Variants in ACAN observed in about 807,000 individuals in gnomAD.
ACAN encodes the protein aggrecan core protein.
In ACAN, 47 loss-of-function variants were observed where a neutral mutation model predicts 169.1. That is an observed-to-expected ratio of 0.28 (90% CI 0.22 to 0.35). ACAN has a LOEUF of 0.35. Ranked by LOEUF, ACAN falls within the 10% of genes least tolerant of loss-of-function variation. ACAN has a pLI of 1.00. For synonymous variants in ACAN, 1,115 were observed against 1,112.2 expected (o/e 1.00, Z -0.05); for missense variants, 2,716 against 2,759.9 (o/e 0.98, Z 0.36).
At position 88,839,493 on chromosome 15, in the gene ACAN, C is replaced by A. The variant is rs1896594133; in HGVS notation, c.454+447C>A. Among the ~76,000 whole-genome samples the A allele has an allele frequency of 6.6e-6, 1 of 152,246 alleles. No individual in the cohort carries two copies. The highest frequency in any genetic ancestry group is 2.1e-4 in the South Asian group (1 of 4,828). ...GGGCTGAAGACTCCCTGGTCTCTTT[C>A]TCTCCATGGCCCAAGGAGAACAGTC... is the stretch of plus-strand genomic sequence containing the variant. On this transcript the variant is annotated intron_variant, in intron 3 of 18. Transcript: ENST00000560601. The surrounding 1 kb of genome is among the most constrained non-coding windows in gnomAD (Gnocchi z 4.5).
chr15:88,805,805 A>G (rs1895664888), intron 1 of ACAN, among the ~76,000 whole-genome samples: 1 of 152,178 alleles, frequency 6.6e-6, no homozygotes, highest in Non-Finnish European at 1.5e-5. Context: ...AAAAGGGAAT[A>G]TTTTGTTTAA....
Position 88,873,420 on chromosome 15 carries a change from C to T in ACAN, c.7447+395C>T, listed in dbSNP as rs1238877170. 2.0e-5 allele frequency among the ~76,000 whole-genome samples: 3 copies of T among 152,184 alleles called. No homozygotes were observed. The highest frequency in any genetic ancestry group is 2.9e-5 in the Non-Finnish European group (2 of 68,032). ...TCACAGAGTCATAGTTGTCAGGCCT[C>T]GATCCTTTGGCTTTCAGTCTGTGGA... On this transcript the variant is annotated intron_variant, in intron 17 of 18. Transcript: ENST00000560601. This position sits in a 1 kb window ranked among gnomAD's most constrained non-coding sequence, Gnocchi z 7.5.
Position 88,868,246 on chromosome 15 carries a change from T to G in ACAN, c.6977T>G (p.Leu2326Arg). The G allele has an allele frequency of 1.4e-6, 1 of 702,800 alleles. No homozygotes were observed. The highest frequency in any genetic ancestry group is 1.5e-5 in the South Asian group (1 of 67,592). 43.5% of individuals were successfully genotyped at this position (702,800 alleles called of 1,614,324 possible). A position where few individuals can be genotyped will look rare whatever the true frequency, so the allele number is the denominator to read the frequency against. ...DIDECLSSPCLNGATCVDAID... is the reference protein window; with the variant it reads ...DIDECLSSPCRNGATCVDAID... Reference sequence around the variant, plus strand: ...GATGAGTGCCTCTCAAGCCCTTGTCTGAATGGAGCCACCTGCGTGGATGCC... The same window carrying G: ...GATGAGTGCCTCTCAAGCCCTTGTCGGAATGGAGCCACCTGCGTGGATGCC... Residue 2326 changes from leucine to arginine, a missense_variant, in exon 14 of 19, where the codon CTG becomes CGG. Coordinates refer to ENST00000560601, the MANE Select transcript of ACAN (RefSeq NM_001369268.1). This position sits in a 1 kb window ranked among gnomAD's most constrained non-coding sequence, Gnocchi z 5.2.
intron 6 of ACAN, among the ~76,000 whole-genome samples, chr15:88,844,015 G>A (rs998148513): frequency 7.9e-5 from 12 of 152,166 alleles, no homozygotes; most frequent in African/African-American, 2.4e-4. Flanking sequence ...TGGGGTGCCC[G>A]CCTGCAAAGA....
Position 88,857,140 on chromosome 15 carries a change from G to A in ACAN, c.4555G>A (p.Ala1519Thr), listed in dbSNP as rs1261557278. The A allele has an allele frequency of 6.2e-7, 1 of 1,607,110 alleles. No individual in the cohort carries two copies. The highest frequency in any genetic ancestry group is 2.2e-5 in the East Asian group (1 of 44,628). ...LPSGEGLETS[A>T]SGVEDLSRLP... ...TTCAGGAGAAGGTCTAGAGACCTCTGCTTCTGGAGTAGAGGACCTCAGCAG... is the reference window on the plus strand; with the variant it reads ...TTCAGGAGAAGGTCTAGAGACCTCTACTTCTGGAGTAGAGGACCTCAGCAG... The change falls in exon 12 of 19, where the codon GCT becomes ACT. Residue 1519 changes from alanine to threonine, a missense_variant. Around this residue, in one of 3 missense-constraint regions of ACAN, gnomAD observed 1,389 missense variants for 1,363.7 expected, o/e 1.02. Transcript: ENST00000560601.
chr15:88,836,079 C>G (rs1896495118), intron 1 of ACAN, 121 bp from the exon 2 acceptor site: 3 of 679,594 alleles, frequency 4.4e-6, no homozygotes, highest in Admixed American at 5.0e-5. Context: ...GCCTCCTTCT[C>G]TGGAGATGAT....
rs1363057099 is a variant in ACAN at position 88,841,841 on chromosome 15, T to C, written c.731T>C (p.Val244Ala). 3 of 1,612,494 alleles carry C rather than the reference T, an allele frequency of 1.9e-6. No homozygotes were observed. The highest frequency in any genetic ancestry group is 1.7e-6 in the Non-Finnish European group (2 of 1,179,532). ...CGAGACACCAACGAGACCTATGATG[T>C]GTACTGCTTCGCCGAGGAGATGGAG... The part of the protein sequence containing the change: ...GIRDTNETYD[V>A]YCFAEEMEGE... The change falls in exon 5 of 19, where the codon GTG becomes GCG. Residue 244 changes from valine (V) to alanine (A), a missense_variant. By Grantham distance (64) the Val-to-Ala change is moderately conservative (BLOSUM62 0). Around this residue, in one of 3 missense-constraint regions of ACAN, gnomAD observed 1,283 missense variants for 1,281.5 expected, o/e 1.00. Coordinates refer to ENST00000560601, the MANE Select transcript of ACAN (RefSeq NM_001369268.1).
intron 1 of ACAN, among the ~76,000 whole-genome samples, chr15:88,829,089 C>G (rs947952886): frequency 6.7e-6 from 1 of 149,240 alleles, no homozygotes; most frequent in African/African-American, 2.5e-5. Flanking sequence ...CACACTTGCC[C>G]GGAATGGAGA....
intron 1 of ACAN, among the ~76,000 whole-genome samples, chr15:88,829,533 C>T (rs1277883734): frequency 6.6e-6 from 1 of 152,130 alleles, no homozygotes; most frequent in Non-Finnish European, 1.5e-5. Context: ...GAAATCCCAG[C>T]CTCGAGTGCA....
intron 4 of ACAN, among the ~76,000 whole-genome samples, chr15:88,840,402 A>C (rs1896622821): frequency 6.6e-6 from 1 of 152,192 alleles, no homozygotes; most frequent in African/African-American, 2.4e-5. Flanking sequence ...AAATGGGATG[A>C]GGGACTGCTA....
chr15:88,859,150 C>A lies in ACAN; in HGVS notation c.6565C>A (p.Pro2189Thr). The A allele has an allele frequency of 6.2e-7, 1 of 1,613,846 alleles. No homozygotes were observed. The highest frequency in any genetic ancestry group is 8.5e-7 in the Non-Finnish European group (1 of 1,179,902). ...GGCACCAGGCTTGCCTTCAGCCACT[C>A]CCACGGCTTCTGGAGACAGGACTGA... is the stretch of plus-strand genomic sequence containing the variant. The part of the protein sequence containing the change: ...TEAPGLPSAT[P>T]TASGDRTEIS... Residue 2189 changes from proline to threonine, a missense_variant, in exon 12 of 19, where the codon CCC becomes ACC. Coordinates refer to ENST00000560601, the MANE Select transcript of ACAN (RefSeq NM_001369268.1).
At chr15:88,826,638 G>A (rs1362972944) in intron 1 of ACAN, among the ~76,000 whole-genome samples, 2 of 152,072 alleles carry the variant, frequency 1.3e-5, no homozygotes, top group Non-Finnish European at 2.9e-5. Flanking sequence ...GCATATTCCA[G>A]GCACTCTGCC....
chr15:88,870,573 C>T lies in ACAN; in HGVS notation c.7061-809C>T, dbSNP rs989331971. Among the ~76,000 whole-genome samples, 1 of 152,186 alleles carries T rather than the reference C, an allele frequency of 6.6e-6. No homozygotes were observed. Among genetic ancestry groups the T allele is most frequent in the African/African-American group, 2.4e-5 (1 of 41,450 alleles). Reference sequence around the variant, plus strand: ...AGAGGAGACACTAACAATGAGCTCTCTCAAAGCTGAGTGAGCCAGCTCAGC... The same window carrying T: ...AGAGGAGACACTAACAATGAGCTCTTTCAAAGCTGAGTGAGCCAGCTCAGC... On this transcript the variant is annotated intron_variant, in intron 14 of 18. Coordinates refer to ENST00000560601, the MANE Select transcript of ACAN (RefSeq NM_001369268.1). This position sits in a 1 kb window ranked among gnomAD's most constrained non-coding sequence, Gnocchi z 6.3.
chr15:88,872,980 G>A lies in ACAN; in HGVS notation c.7402G>A (p.Val2468Ile). The A allele has an allele frequency of 6.2e-7, 1 of 1,613,774 alleles. No individual in the cohort carries two copies. The highest frequency in any genetic ancestry group is 8.5e-7 in the Non-Finnish European group (1 of 1,179,862). The change falls in exon 17 of 19, where the codon GTT (valine) becomes ATT (isoleucine). Residue 2468 changes from valine to isoleucine, a missense_variant. Physicochemically the swap from Val to Ile is conservative, Grantham distance 29. This residue lies in a region of ACAN where 1,389 missense variants were observed against 1,363.7 expected (regional missense o/e 1.02). Coordinates refer to ENST00000560601, the MANE Select transcript of ACAN (RefSeq NM_001369268.1). This position sits in a 1 kb window ranked among gnomAD's most constrained non-coding sequence, Gnocchi z 5.4. ...GCACGAGAAGGGCGAGTGGAATGAT[G>A]TTCCCTGCAATTACCACCTCCCCTT... ...IWHEKGEWND[V>I]PCNYHLPFTC...
At position 88,847,417 on chromosome 15, in the gene ACAN, G is replaced by T; in HGVS notation, c.1604G>T (p.Arg535Ile). Residue 535 changes from arginine to isoleucine, a missense_variant and splice_region_variant, in exon 8 of 19, where the codon AGA becomes ATA. By Grantham distance (97) the Arg-to-Ile change is moderately conservative (BLOSUM62 -3). Transcript: ENST00000560601. ...GGCTGGCTGCGGGACCAGACCGTCA[G>T]GTGAAGCCATGCTCCTCGCCCAGCC... ...DAGWLRDQTVRYPIVSPRTPC... is the reference protein window; with the variant it reads ...DAGWLRDQTVIYPIVSPRTPC... 1 of 1,569,912 alleles carries T rather than the reference G, an allele frequency of 6.4e-7. No individual in the cohort carries two copies. The highest frequency in any genetic ancestry group is 8.7e-7 in the Non-Finnish European group (1 of 1,153,656).
rs575457851 is a variant in ACAN, at chr15:88,857,488, G to A, written c.4903G>A (p.Gly1635Arg). The change falls in exon 12 of 19, where the codon GGG becomes AGG. Residue 1635 changes from glycine (G) to arginine (R), a missense_variant. Gly to Arg is a moderately radical substitution (Grantham distance 125). Coordinates refer to ENST00000560601, the MANE Select transcript of ACAN (RefSeq NM_001369268.1). ...LPSGFSGEYS[G>R]VDLGSGPPSG... ...CTCTGGATTTAGTGGTGAGTATTCT[G>A]GGGTGGACCTTGGAAGTGGCCCACC... 9 of 1,613,930 alleles carry A rather than the reference G, an allele frequency of 5.6e-6. No individual in the cohort carries two copies. In the East Asian group the frequency reaches 2.0e-4, roughly 36 times the overall value.
At chr15:88,822,831 C>T (rs906982441) in intron 1 of ACAN, among the ~76,000 whole-genome samples, 1 of 152,158 alleles carries the variant, frequency 6.6e-6, no homozygotes, top group South Asian at 2.1e-4. Context: ...TACAGATAAC[C>T]CATCTCCTTT....
chr15:88,853,568 G>A (rs578167170), intron 11 of ACAN, among the ~76,000 whole-genome samples: 48 of 152,200 alleles, frequency 3.2e-4, no homozygotes, highest in Non-Finnish European at 6.0e-4. Context: ...AACCCAGGAC[G>A]TGGAGGTTGC....
chr15:88,812,562 C>G (rs1438898126), intron 1 of ACAN, among the ~76,000 whole-genome samples: 1 of 152,202 alleles, frequency 6.6e-6, no homozygotes, highest in African/African-American at 2.4e-5. Flanking sequence ...CCTCTCACTT[C>G]CTTCAGGACT....
Sources: gnomAD v4.1 joint callset for allele counts (sites outside exome capture counted in the v4.1 genomes callset) on GRCh38, gnomAD v4.1.1 for gene constraint, gnomAD v4.1.1 regional missense constraint, Gnocchi (gnomAD v3.1) non-coding constraint, MANE v1.5 for transcripts, NCBI Gene and HGNC (gene_info 2026-07-23, HGNC 2026-07-21) for gene names.